Variants in GPHN observed in about 807,000 individuals in gnomAD.
GPHN encodes gephyrin.
A neutral mutation model predicts 95.5 loss-of-function variants in GPHN; 17 were observed. That is an observed-to-expected ratio of 0.18 (90% confidence interval 0.12 to 0.27). GPHN has a LOEUF of 0.27. Among genes scored for constraint, GPHN ranks in the 10% least tolerant of loss-of-function variants. The pLI is 1.00. For synonymous variants in GPHN, 320 were observed against 322.5 expected, an observed-to-expected ratio of 0.99 and a Z score of 0.08; for missense variants, 660 against 978.1, an observed-to-expected ratio of 0.67 and a Z score of 4.34.
the GPHN span, among the ~76,000 whole-genome samples, chr14:67,480,925 AC>A: frequency 6.6e-6 from 1 of 152,066 alleles, no homozygotes; most frequent in African/African-American, 2.4e-5. Context: ...AGATCCCAAA[AC>A]CCTTGGAGCA....
intron 5 of GPHN, among the ~76,000 whole-genome samples, chr14:66,904,125 T>C (rs1452547399): frequency 2.0e-5 from 3 of 152,174 alleles, no homozygotes; most frequent in Non-Finnish European, 4.4e-5. Context: ...GTGGTCTCGC[T>C]GACTTCAAGA....
chr14:67,041,268 G>A lies in GPHN; in HGVS notation c.1007-17381G>A, dbSNP rs569657971. 5.9e-5 allele frequency among the ~76,000 whole-genome samples: 9 copies of A among 151,648 alleles called. No individual in the cohort carries two copies. In the South Asian group the frequency reaches 1.3e-3, roughly 21 times the overall value. ...GTTCTGGGGTACATGTGTAGAAGGT[G>A]CACTTTTTTTACATAGGTATACACG... On this transcript the variant is annotated intron_variant, in intron 10 of 22. Coordinates refer to ENST00000478722, the MANE Select transcript of GPHN (RefSeq NM_020806.5).
In GPHN at chr14:66,933,105, T is replaced by C. The variant is rs556036934; in HGVS notation, c.828+8813T>C. Among the ~76,000 whole-genome samples, 290 of 152,356 alleles carry C rather than the reference T, an allele frequency of 1.9e-3. 2 individuals carry two copies. The highest frequency in any genetic ancestry group is 3.1e-3 in the Admixed American group (48 of 15,304). On this transcript the variant is annotated intron_variant, in intron 8 of 22. Transcript: ENST00000478722. ...TGGTCTTTTGACAGATGTTCAGTTT[T>C]ATAAGTAGACTCACATGTTTATGTT...
intron 9 of GPHN, among the ~76,000 whole-genome samples, chr14:66,970,896 G>C (rs547234260): frequency 1.3e-5 from 2 of 152,266 alleles, no homozygotes; most frequent in South Asian, 4.1e-4. Context: ...GGGGGGTGTT[G>C]AGCAATAATA....
chr14:66,669,996 G>A (rs933405370), intron 1 of GPHN, among the ~76,000 whole-genome samples: 1 of 152,098 alleles, frequency 6.6e-6, no homozygotes, highest in Non-Finnish European at 1.5e-5. Context: ...TTCTTTGTAT[G>A]ACAACTTATT....
At chr14:67,542,961 T>G in the GPHN span, among the ~76,000 whole-genome samples, 1 of 152,164 alleles carries the variant, frequency 6.6e-6, no homozygotes, top group Non-Finnish European at 1.5e-5. Context: ...GGTGATCACC[T>G]CAGCCTCTCA....
the GPHN span, among the ~76,000 whole-genome samples, chr14:67,489,882 T>C: frequency 5.3e-5 from 8 of 151,816 alleles, no homozygotes; most frequent in East Asian, 1.9e-4. Context: ...CCCAGCTACT[T>C]GGGAGGCTGA....
chr14:66,998,018 T>C (rs1252764208), intron 9 of GPHN, among the ~76,000 whole-genome samples: 1 of 152,196 alleles, frequency 6.6e-6, no homozygotes, highest in African/African-American at 2.4e-5. Context: ...CATGAGAGTG[T>C]GTAAGAAGTC....
intron 5 of GPHN, among the ~76,000 whole-genome samples, chr14:66,902,866 C>T (rs906368137): frequency 5.9e-5 from 9 of 151,920 alleles, no homozygotes; most frequent in African/African-American, 1.5e-4. Context: ...TAATGCTGGC[C>T]GCATAGAATG....
At chr14:66,767,228 C>G (rs1289051500) in intron 2 of GPHN, among the ~76,000 whole-genome samples, 2 of 151,810 alleles carry the variant, frequency 1.3e-5, no homozygotes, top group Admixed American at 1.3e-4. Flanking sequence ...AGTTAGTCCC[C>G]TCAGACTTCT....
chr14:67,280,547 T>G, the GPHN span, among the ~76,000 whole-genome samples: 22 of 152,164 alleles, frequency 1.4e-4, no homozygotes, highest in South Asian at 4.1e-4. Flanking sequence ...ATAAAGAAAT[T>G]GAACCTTAGT....
intron 17 of GPHN, among the ~76,000 whole-genome samples, chr14:67,136,209 C>T (rs1354079339): frequency 6.6e-6 from 1 of 152,102 alleles, no homozygotes; most frequent in African/African-American, 2.4e-5. Context: ...TTCGATTCAC[C>T]CTAAGGGTTC....
At chr14:67,239,875 A>G in the GPHN span, among the ~76,000 whole-genome samples, 1 of 152,186 alleles carries the variant, frequency 6.6e-6, no homozygotes, top group Non-Finnish European at 1.5e-5. Context: ...CAAAAACAAA[A>G]GAACTTAGAA....
At chr14:66,685,260 A>G (rs1264897880) in intron 2 of GPHN, among the ~76,000 whole-genome samples, 1 of 152,192 alleles carries the variant, frequency 6.6e-6, no homozygotes, top group East Asian at 1.9e-4. Flanking sequence ...CTTTGGGTAT[A>G]TACCCAGTAA....
intron 1 of GPHN, among the ~76,000 whole-genome samples, chr14:66,590,600 C>A (rs1231220973): frequency 6.6e-6 from 1 of 152,048 alleles, no homozygotes; most frequent in Non-Finnish European, 1.5e-5. Flanking sequence ...CAAGACTAAA[C>A]CTGGAAGAAG....
chr14:67,304,219 T>C, the GPHN span: 3 of 152,422 alleles, frequency 2.0e-5, no homozygotes. Context: ...TATATTGTTC[T>C]GTTAGACATT....
the GPHN span, chr14:67,577,939 A>C: frequency 7.9e-7 from 1 of 1,272,858 alleles, no homozygotes; most frequent in Non-Finnish European, 1.1e-6. Flanking sequence ...ACCTCCCTGG[A>C]GCCCTTGGAA....
At chr14:67,369,497 C>G in the GPHN span, among the ~76,000 whole-genome samples, 2 of 152,192 alleles carry the variant, frequency 1.3e-5, no homozygotes, top group Admixed American at 1.3e-4. Flanking sequence ...TAGAACACTG[C>G]ACCCAGAAAA....
the GPHN span, among the ~76,000 whole-genome samples, chr14:67,259,673 G>A: frequency 6.6e-6 from 1 of 152,054 alleles, no homozygotes; most frequent in Admixed American, 6.6e-5. Flanking sequence ...CGCCCTGAGA[G>A]GCTGAGGCAG....
Sources: gnomAD v4.1 joint callset for allele counts (sites outside exome capture counted in the v4.1 genomes callset) on GRCh38, gnomAD v4.1.1 for gene constraint, MANE v1.5 for transcripts, NCBI Gene and HGNC (gene_info 2026-07-23, HGNC 2026-07-21) for gene names.